Variants in EXD1 observed in about 807,000 individuals in gnomAD.
EXD1 encodes exonuclease 3'-5' domain containing 1.
In EXD1, 63 loss-of-function variants were observed where a neutral mutation model predicts 49.1. The ratio of observed to expected loss-of-function variants is 1.28; its 90% confidence interval spans 1.05 to 1.58. EXD1 has a LOEUF of 1.58. Among genes scored for constraint, EXD1 ranks in the 40% most tolerant of loss-of-function variants. EXD1 has a pLI of 0.00. For missense variants in EXD1, 748 were observed against 666.0 expected (o/e 1.12, Z -1.36); for synonymous variants, 234 against 239.2 (o/e 0.98, Z 0.20).
intron 1 of EXD1, among the ~76,000 whole-genome samples, chr15:41,228,084 C>T (rs2047190635): frequency 6.6e-6 from 1 of 152,082 alleles, no homozygotes; most frequent in Non-Finnish European, 1.5e-5. Flanking sequence ...AGGCGGTACT[C>T]TTACATTCTT....
At chr15:41,192,607 T>A (rs1418426060) in intron 9 of EXD1, among the ~76,000 whole-genome samples, 1 of 94,162 alleles carries the variant, frequency 1.1e-5, no homozygotes, top group Non-Finnish European at 2.1e-5. Context: ...TTTTTTTTTT[T>A]TTTTTTTTTT....
chr15:41,226,679 A>G, intron 1 of EXD1, 51 bp from the exon 2 acceptor site: 1 of 1,393,682 alleles, frequency 7.2e-7, no homozygotes, highest in Non-Finnish European at 9.4e-7. Context: ...TTTTGGGAGT[A>G]AAGTTATTTT....
rs1163080987 is a variant in EXD1 at position 41,183,891 on chromosome 15, A to G, written c.*40T>C. The G allele has an allele frequency of 2.0e-6, 3 of 1,522,934 alleles. No homozygotes were observed. The highest frequency in any genetic ancestry group is 2.6e-6 in the Non-Finnish European group (3 of 1,135,620). The allele number at this position is 1,522,934 out of a possible 1,614,324, so 94.3% of individuals were successfully genotyped here. A position where few individuals can be genotyped will look rare whatever the true frequency, so the allele number is the denominator to read the frequency against. On this transcript the variant is annotated 3_prime_UTR_variant, in exon 12 of 12. Transcript: ENST00000458580. The stretch of plus-strand genomic sequence containing the variant: ...GTGGAAAGCCCTGATGGCAAAGGAA[A>G]TAAGCCATCTGTATGGCCTTAAGAA...
chr15:41,194,459 G>C (rs563365071), intron 9 of EXD1, among the ~76,000 whole-genome samples: 1 of 152,282 alleles, frequency 6.6e-6, no homozygotes, highest in Non-Finnish European at 1.5e-5. Flanking sequence ...GTGGCCACTA[G>C]AAGCTGAAAA....
chr15:41,227,807 T>C (rs1310234028), intron 1 of EXD1, among the ~76,000 whole-genome samples: 2 of 152,098 alleles, frequency 1.3e-5, no homozygotes, highest in African/African-American at 2.4e-5. Flanking sequence ...CCTAGCACTT[T>C]AGGAGGCCAA....
intron 7 of EXD1, among the ~76,000 whole-genome samples, chr15:41,204,371 T>G (rs892717563): frequency 6.7e-6 from 1 of 150,296 alleles, no homozygotes; most frequent in African/African-American, 2.5e-5. Context: ...GCCAACATGG[T>G]GAAACCCTGT....
At chr15:41,199,723 T>TATATATCACATATATCATC (rs1555414681) in intron 7 of EXD1, among the ~76,000 whole-genome samples, 2 of 36,308 alleles carry the variant, frequency 5.5e-5, no homozygotes, top group African/African-American at 1.5e-4. Flanking sequence ...TATGATATAT[T>TATATATCACATATATCATC]ATATATGATA....
chr15:41,230,488 G>C lies in EXD1; in HGVS notation c.-63C>G. 6.2e-7 allele frequency: 1 copy of C among 1,613,978 alleles called. No individual in the cohort carries two copies. The highest frequency in any genetic ancestry group is 1.1e-5 in the South Asian group (1 of 91,084). ...CAAATAAATGGCGGACCATAAGCTA[G>C]GAATTCACTGTCCTCCATCGTTAGG... On this transcript the variant is annotated 5_prime_UTR_variant, in exon 1 of 12. Transcript: ENST00000458580.
chr15:41,195,870 G>A lies in EXD1; in HGVS notation c.640-15C>T. The A allele has an allele frequency of 6.2e-7, 1 of 1,612,452 alleles. No homozygotes were observed. Among genetic ancestry groups the A allele is most frequent in the Non-Finnish European group, 8.5e-7 (1 of 1,179,510 alleles). ...TCATGGATAACCTAAGGAATCAGAA[G>A]GAAACAGTCATTAGAACCTGGCTGC... On this transcript the variant is annotated splice_polypyrimidine_tract_variant and intron_variant, in intron 8 of 11. Coordinates refer to ENST00000458580, the MANE Select transcript of EXD1 (RefSeq NM_001286441.2).
intron 7 of EXD1, among the ~76,000 whole-genome samples, chr15:41,198,299 C>G (rs2046647817): frequency 6.6e-6 from 1 of 152,118 alleles, no homozygotes; most frequent in African/African-American, 2.4e-5. Flanking sequence ...TCCCCACTAT[C>G]CAACCTCCAG....
chr15:41,204,247 CAAAAAA>C (rs773719149), intron 7 of EXD1, among the ~76,000 whole-genome samples: 1 of 76,090 alleles, frequency 1.3e-5, no homozygotes, highest in African/African-American at 4.4e-5. Flanking sequence ...GACTCTGTCT[CAAAAAA>C]AAAAAAAAAA....
At position 41,221,104 on chromosome 15, in the gene EXD1, C is replaced by A. The variant is rs1456403166; in HGVS notation, c.134-1206G>T. 3.3e-5 allele frequency among the ~76,000 whole-genome samples: 5 copies of A among 152,234 alleles called. No individual in the cohort carries two copies. The South Asian group carries it at 1.0e-3, about 32-fold the overall frequency. Reference sequence around the variant, plus strand: ...TATTGAGTACCCACTCTGAGCCAGGCATCATGCTATTTCCCTATACTCAAA... The same window carrying A: ...TATTGAGTACCCACTCTGAGCCAGGAATCATGCTATTTCCCTATACTCAAA... On this transcript the variant is annotated intron_variant, in intron 2 of 11. Coordinates refer to ENST00000458580, the MANE Select transcript of EXD1 (RefSeq NM_001286441.2).
chr15:41,193,010 T>C (rs554494944), intron 9 of EXD1, among the ~76,000 whole-genome samples: 1 of 151,954 alleles, frequency 6.6e-6, no homozygotes, highest in Middle Eastern at 3.4e-3. Context: ...GCTCTCGATC[T>C]CCTGACCTTG....
Position 41,226,515 on chromosome 15 carries a change from T to G in EXD1, c.61A>C (p.Thr21Pro). ...SQILWKRVKL[T>P]LVCGVFEGVL... ...CCCTCGAAGACACCACAGACCAATG[T>G]GAGTTTCACCCTCTTCCACAAAATC... Residue 21 changes from threonine (T) to proline (P), a missense_variant, in exon 2 of 12, where the codon ACA becomes CCA. Thr to Pro is a conservative substitution (Grantham distance 38). Transcript: ENST00000458580. The G allele has an allele frequency of 6.5e-6, 10 of 1,536,068 alleles. No homozygotes were observed. The highest frequency in any genetic ancestry group is 8.7e-6 in the Non-Finnish European group (10 of 1,146,886).
chr15:41,223,099 G>A (rs2047114497), intron 2 of EXD1, among the ~76,000 whole-genome samples: 2 of 145,128 alleles, frequency 1.4e-5, no homozygotes, highest in Admixed American at 1.4e-4. Flanking sequence ...ACAGGTGTGA[G>A]CCACCACGAC....
intron 11 of EXD1, among the ~76,000 whole-genome samples, chr15:41,185,566 T>C (rs904673825): frequency 3.3e-5 from 5 of 152,072 alleles, no homozygotes; most frequent in Non-Finnish European, 5.9e-5. Flanking sequence ...CAGGCTGAAG[T>C]ACAGTGGTGT....
chr15:41,197,071 T>C (rs754450685), intron 7 of EXD1, among the ~76,000 whole-genome samples: 11 of 151,826 alleles, frequency 7.2e-5, no homozygotes, highest in Non-Finnish European at 1.6e-4. Flanking sequence ...GCAATCTGCC[T>C]GCCTTGGCCT....
At chr15:41,186,535 CT>C (rs886417788) in intron 11 of EXD1, among the ~76,000 whole-genome samples, 3 of 145,462 alleles carry the variant, frequency 2.1e-5, no homozygotes, top group South Asian at 4.5e-4. Context: ...GATGCACAAA[CT>C]TTTTTTTCCA....
chr15:41,229,417 G>A (rs2047205168), intron 1 of EXD1, among the ~76,000 whole-genome samples: 2 of 152,048 alleles, frequency 1.3e-5, no homozygotes, highest in African/African-American at 4.8e-5. Context: ...GGAGGTTGCA[G>A]TGAGCCGAAA....
Sources: gnomAD v4.1 joint callset for allele counts (sites outside exome capture counted in the v4.1 genomes callset) on GRCh38, gnomAD v4.1.1 for gene constraint, MANE v1.5 for transcripts, NCBI Gene and HGNC (gene_info 2026-07-23, HGNC 2026-07-21) for gene names.